The following GLIS3 variants were observed in gnomAD, a reference collection of about 807,000 sequenced individuals.
GLIS3 encodes the protein GLIS family zinc finger 3, also known as zinc finger protein GLIS3.
In GLIS3, 53 loss-of-function variants were observed where a neutral mutation model predicts 78.6. The observed-to-expected ratio is 0.67, with a 90% confidence interval of 0.54 to 0.85. The LOEUF is 0.85. Ranked by LOEUF, GLIS3 falls within the 40% of genes least tolerant of loss-of-function variation. GLIS3 has a pLI of 0.00. For missense variants in GLIS3, 1,703 were observed against 1,231.1 expected, an observed-to-expected ratio of 1.38 and a Z score of -5.74; for synonymous variants, 684 against 509.9, an observed-to-expected ratio of 1.34 and a Z score of -4.60.
chr9:3,953,760 G>GCTCTCTCTCTCT (rs71507912), intron 4 of GLIS3, among the ~76,000 whole-genome samples: 11 of 103,386 alleles, frequency 1.1e-4, no homozygotes, highest in African/African-American at 3.3e-4. Flanking sequence ...AATTAGATTT[G>GCTCTCTCTCTCT]CTCTCTCTCT....
intron 2 of GLIS3, among the ~76,000 whole-genome samples, chr9:4,274,098 G>C (rs899238877): frequency 8.5e-5 from 13 of 152,156 alleles, no homozygotes; most frequent in African/African-American, 3.1e-4. Context: ...TTCCAGATGA[G>C]GAAACTGAGG....
intron 9 of GLIS3, among the ~76,000 whole-genome samples, chr9:3,842,478 A>C (rs1475164265): frequency 6.6e-6 from 1 of 151,976 alleles, no homozygotes; most frequent in Non-Finnish European, 1.5e-5. Context: ...TCTCAAAAAG[A>C]CCTCCCCAAG....
chr9:4,173,436 T>A (rs1816545375), intron 2 of GLIS3, among the ~76,000 whole-genome samples: 1 of 152,144 alleles, frequency 6.6e-6, no homozygotes, highest in African/African-American at 2.4e-5. Context: ...ATCTTGTAAA[T>A]AGCTTCAAAT....
At chr9:4,029,421 T>C (rs996907256) in intron 4 of GLIS3, among the ~76,000 whole-genome samples, 1 of 152,182 alleles carries the variant, frequency 6.6e-6, no homozygotes, top group Non-Finnish European at 1.5e-5. Context: ...GAAAATGTGT[T>C]ATCCGTCCCC....
chr9:3,963,979 G>A (rs941384322), intron 4 of GLIS3, among the ~76,000 whole-genome samples: 7 of 152,142 alleles, frequency 4.6e-5, no homozygotes, highest in African/African-American at 7.2e-5. Flanking sequence ...GATGGTGCAC[G>A]CACTGCTTCA....
At chr9:4,257,189 G>A (rs2129959687) in intron 2 of GLIS3, among the ~76,000 whole-genome samples, 1 of 152,272 alleles carries the variant, frequency 6.6e-6, no homozygotes, top group East Asian at 1.9e-4. Flanking sequence ...TGCCATTTAT[G>A]ACAATATGGA....
At chr9:4,419,195 C>T in the GLIS3 span, among the ~76,000 whole-genome samples, 3 of 152,156 alleles carry the variant, frequency 2.0e-5, no homozygotes, top group African/African-American at 2.4e-5. Flanking sequence ...CTTCTGATTA[C>T]ATCAGGGAGA....
At chr9:4,076,756 T>C (rs1397181676) in intron 4 of GLIS3, among the ~76,000 whole-genome samples, 1 of 152,218 alleles carries the variant, frequency 6.6e-6, no homozygotes, top group Non-Finnish European at 1.5e-5. Context: ...GACTTTCTTT[T>C]CATAATGTTA....
At chr9:3,838,033 CT>C (rs1358771561) in intron 9 of GLIS3, among the ~76,000 whole-genome samples, 1 of 152,010 alleles carries the variant, frequency 6.6e-6, no homozygotes, top group Non-Finnish European at 1.5e-5. Flanking sequence ...ACTCCCTGCA[CT>C]TTCCACTACA....
chr9:3,979,184 C>A (rs972592453), intron 4 of GLIS3, among the ~76,000 whole-genome samples: 15 of 152,138 alleles, frequency 9.9e-5, no homozygotes, highest in African/African-American at 3.6e-4. Flanking sequence ...TGACAAAACA[C>A]TCTAAACCTG....
intron 4 of GLIS3, among the ~76,000 whole-genome samples, chr9:3,951,841 A>AACATACAC (rs1554654362): frequency 2.3e-5 from 3 of 130,616 alleles, no homozygotes; most frequent in Admixed American, 7.7e-5. Flanking sequence ...AATAAGCATG[A>AACATACAC]ACACACACAC....
intron 2 of GLIS3, among the ~76,000 whole-genome samples, chr9:4,194,665 C>G (rs1307646809): frequency 6.6e-6 from 1 of 152,178 alleles, no homozygotes; most frequent in Admixed American, 6.5e-5. Flanking sequence ...TAGAGACAAA[C>G]AGCCCCCTGT....
chr9:4,383,466 C>T, the GLIS3 span, among the ~76,000 whole-genome samples: 1 of 152,170 alleles, frequency 6.6e-6, no homozygotes, highest in Non-Finnish European at 1.5e-5. Flanking sequence ...TCAAAGATAA[C>T]ATAGAACTCT....
At chr9:4,098,741 G>A (rs1157725276) in intron 4 of GLIS3, among the ~76,000 whole-genome samples, 2 of 152,046 alleles carry the variant, frequency 1.3e-5, no homozygotes, top group African/African-American at 4.8e-5. Context: ...CGATCGAAAT[G>A]GAAATGTAAA....
rs144761410 is a variant in GLIS3, at chr9:3,829,321, G to A, written c.2645C>T (p.Ser882Leu). Residue 882 changes from serine to leucine, a missense_variant, in exon 10 of 11, where the codon TCG becomes TTG. Physicochemically the swap from Ser to Leu is moderately radical, Grantham distance 145. Coordinates refer to ENST00000381971, the MANE Select transcript of GLIS3 (RefSeq NM_001042413.2). ...GACAACCAACACACCTGTAATGCCC[G>A]AGTGAGTCGAGAAGGCTCTGTGGAA... Reference protein sequence around the residue: ...DVFHRAFSTHSGITVYDLPSS... With the variant: ...DVFHRAFSTHLGITVYDLPSS... 48 of 1,613,866 alleles carry A rather than the reference G, an allele frequency of 3.0e-5. No individual in the cohort carries two copies. The highest frequency in any genetic ancestry group is 1.7e-4 in the African/African-American group (13 of 75,004).
At chr9:4,158,098 T>A (rs145509036) in intron 2 of GLIS3, among the ~76,000 whole-genome samples, 120 of 152,312 alleles carry the variant, frequency 7.9e-4, no homozygotes, top group African/African-American at 2.8e-3. Flanking sequence ...CCACACATAT[T>A]TTCTTACAGT....
chr9:4,006,013 C>A (rs1435989376), intron 4 of GLIS3, among the ~76,000 whole-genome samples: 1 of 152,066 alleles, frequency 6.6e-6, no homozygotes, highest in African/African-American at 2.4e-5. Context: ...TCTTTACAGA[C>A]CCACACAGGC....
the GLIS3 span, among the ~76,000 whole-genome samples, chr9:4,459,139 CTATT>C: frequency 1.3e-5 from 2 of 152,126 alleles, no homozygotes; most frequent in East Asian, 3.9e-4. Flanking sequence ...GACAGGGAGA[CTATT>C]TAGGAGACCA....
Position 4,093,261 on chromosome 9 carries a change from GA to G in GLIS3, c.1710+24506del, listed in dbSNP as rs34660802. 4.3e-3 allele frequency among the ~76,000 whole-genome samples: 614 copies of G among 143,102 alleles called. 2 individuals are homozygous for G. Among genetic ancestry groups the G allele is most frequent in the Middle Eastern group, 0.011 (3 of 276 alleles). The allele number at this position is 143,102 out of a possible 152,430, so 93.9% of individuals were successfully genotyped here. On this transcript the variant is annotated intron_variant, in intron 4 of 10. Coordinates refer to ENST00000381971, the MANE Select transcript of GLIS3 (RefSeq NM_001042413.2). The stretch of plus-strand genomic sequence containing the variant: ...CTTAATCACTATGCTATGCTGCCTG[GA>G]AAAAAAAAAAAAAGTTAATATAATG...
Sources: allele counts gnomAD v4.1 joint callset (sites outside exome capture counted in the v4.1 genomes callset), GRCh38; gene constraint gnomAD v4.1.1; transcripts MANE v1.5; gene names NCBI Gene and HGNC (gene_info 2026-07-23, HGNC 2026-07-21).